ZNF207: variants seen among roughly 807,000 people sequenced by gnomAD.
ZNF207 encodes zinc finger protein 207.
Under a neutral mutation model 60.2 loss-of-function variants are expected in ZNF207, and 24 were observed. The ratio of observed to expected loss-of-function variants is 0.40; its 90% CI spans 0.29 to 0.56. ZNF207 has a LOEUF of 0.56. Among genes scored for constraint, ZNF207 ranks in the 20% least tolerant of loss-of-function variants. The probability of loss-of-function intolerance (pLI) is 0.49; values close to 1 mark genes in which losing one functional copy is unlikely to be tolerated. For synonymous variants in ZNF207, 236 were observed against 194.7 expected, an observed-to-expected ratio of 1.21 and a Z score of -1.77; for missense variants, 452 against 636.6, an observed-to-expected ratio of 0.71 and a Z score of 3.12.
intron 7 of ZNF207, among the ~76,000 whole-genome samples, chr17:32,364,072 A>G (rs1905038190): frequency 6.8e-6 from 1 of 146,244 alleles, no homozygotes. Flanking sequence ...TTGGTCTGAT[A>G]CTCGTGCTGA....
intron 2 of ZNF207, among the ~76,000 whole-genome samples, chr17:32,352,391 C>T (rs944856597): frequency 6.6e-6 from 1 of 151,988 alleles, no homozygotes; most frequent in African/African-American, 2.4e-5. Flanking sequence ...GTTCGATAGC[C>T]ATCAAGACAA....
At chr17:32,365,195 G>A (rs953044589) in intron 7 of ZNF207, 135 bp from the exon 8 acceptor site, 2 of 939,550 alleles carry the variant, frequency 2.1e-6, no homozygotes, top group Non-Finnish European at 3.1e-6. Flanking sequence ...TGTTGCATGG[G>A]GCAAATGCCT....
chr17:32,361,267 G>A, intron 5 of ZNF207: 1 of 572,384 alleles, frequency 1.7e-6, no homozygotes, highest in Admixed American at 3.4e-5. Context: ...AATTATCTGT[G>A]ACACTTTGTA....
intron 3 of ZNF207, among the ~76,000 whole-genome samples, chr17:32,359,869 C>T (rs1226010747): frequency 6.6e-6 from 1 of 152,008 alleles, no homozygotes; most frequent in South Asian, 2.1e-4. Context: ...GTCTGGGCAA[C>T]AGAGTGAGAT....
At position 32,374,604 on chromosome 17, in the gene ZNF207, A is replaced by G. The variant is rs1338678864; in HGVS notation, c.*4845A>G. ...AATGCTTAATTTTAAAATATTTTCA[A>G]GCCTCACCACATTAGAGCAAATGTT... On this transcript the variant is annotated 3_prime_UTR_variant, in exon 12 of 12. Coordinates refer to ENST00000394670, the MANE Select transcript of ZNF207 (RefSeq NM_001098507.2). The G allele has an allele frequency of 2.0e-5, 3 of 152,212 alleles. No individual in the cohort carries two copies. Among genetic ancestry groups the G allele is most frequent in the Non-Finnish European group, 1.5e-5 (1 of 68,038 alleles). 9.4% of individuals were successfully genotyped at this position (152,212 alleles called of 1,614,324 possible).
At chr17:32,363,573 T>G (rs1236730111) in intron 7 of ZNF207, among the ~76,000 whole-genome samples, 1 of 118,142 alleles carries the variant, frequency 8.5e-6, no homozygotes, top group Admixed American at 1.1e-4. Context: ...GGAATCTCGC[T>G]CTGTCACCCA....
intron 9 of ZNF207, 22 bp from the exon 10 acceptor site, chr17:32,367,750 G>A (rs1905270483): frequency 6.2e-7 from 1 of 1,609,234 alleles, no homozygotes; most frequent in African/African-American, 1.3e-5. Flanking sequence ...AAGTTTCGTT[G>A]ATGAAGTATT....
At position 32,369,857 on chromosome 17, in the gene ZNF207, C is replaced by CT; in HGVS notation, c.*101dup. 1 of 1,236,928 alleles carries CT rather than the reference C, an allele frequency of 8.1e-7. No homozygotes were observed. The allele number at this position is 1,236,928 out of a possible 1,614,324, so 76.6% of individuals were successfully genotyped here. ...TTCCGTCAATAAGGCTTCATTGTGA[C>CT]TTTAACAAACATTATCTTCCCACAT... On this transcript the variant is annotated 3_prime_UTR_variant, in exon 12 of 12. Coordinates refer to ENST00000394670, the MANE Select transcript of ZNF207 (RefSeq NM_001098507.2).
rs1471285673 is a variant in ZNF207 at position 32,375,284 on chromosome 17, A to ACT, written c.*5525_*5526insCT. On this transcript the variant is annotated 3_prime_UTR_variant, in exon 12 of 12. Transcript: ENST00000394670. ...TCCCATTGGACTATTTTATAACCTC[A>ACT]GTAATCAACATTTAAGAGTCCTTAA... 6.6e-6 allele frequency: 1 copy of ACT among 152,216 alleles called. No homozygotes were observed. Among genetic ancestry groups the ACT allele is most frequent in the Non-Finnish European group, 1.5e-5 (1 of 68,028 alleles). 9.4% of individuals were successfully genotyped at this position (152,216 alleles called of 1,614,324 possible). A position where few individuals can be genotyped will look rare whatever the true frequency, so the allele number is the denominator to read the frequency against.
chr17:32,367,287 A>AT (rs1905246348), intron 9 of ZNF207, among the ~76,000 whole-genome samples: 1 of 136,292 alleles, frequency 7.3e-6, no homozygotes, highest in Non-Finnish European at 1.6e-5. Context: ...ATATATATAA[A>AT]GAATACTACT....
Position 32,365,431 on chromosome 17 carries a change from A to G in ZNF207, c.772A>G (p.Thr258Ala), listed in dbSNP as rs1259839796. The G allele has an allele frequency of 1.1e-5, 18 of 1,614,162 alleles. No individual in the cohort carries two copies. The highest frequency in any genetic ancestry group is 1.4e-5 in the Non-Finnish European group (17 of 1,180,026). Residue 258 changes from threonine (T) to alanine (A), a missense_variant, in exon 8 of 12, where the codon ACT (threonine) becomes GCT (alanine). Physicochemically the swap from Thr to Ala is moderately conservative, Grantham distance 58. This residue lies in a region of ZNF207 where 390 missense variants were observed against 461.4 expected (regional missense o/e 0.85). Coordinates refer to ENST00000394670, the MANE Select transcript of ZNF207 (RefSeq NM_001098507.2). ...TAATAGACCACCTGCACCAACAGCA[A>G]CTGTACCTGCCCCACAGCCTCCAGT... ...ILNRPPAPTA[T>A]VPAPQPPVTK...
chr17:32,369,751 C>T lies in ZNF207; in HGVS notation c.1477C>T (p.Arg493Cys), dbSNP rs1191308671. The T allele has an allele frequency of 1.3e-6, 2 of 1,530,428 alleles. No homozygotes were observed. The highest frequency in any genetic ancestry group is 1.8e-6 in the Non-Finnish European group (2 of 1,140,494). The allele number at this position is 1,530,428 out of a possible 1,614,324, so 94.8% of individuals were successfully genotyped here. The change falls in exon 12 of 12, where the codon CGT (arginine) becomes TGT (cysteine). Residue 493 changes from arginine (R) to cysteine (C), a missense_variant. Coordinates refer to ENST00000394670, the MANE Select transcript of ZNF207 (RefSeq NM_001098507.2). ...MRPPVMSQGG[R>C]Y Reference sequence around the variant, plus strand: ...ACCTCCTGTAATGTCGCAAGGTGGCCGTTACTGATCTTACTTCATCCAGTC... The same window carrying T: ...ACCTCCTGTAATGTCGCAAGGTGGCTGTTACTGATCTTACTTCATCCAGTC...
At chr17:32,359,373 A>T (rs1197034836) in intron 3 of ZNF207, among the ~76,000 whole-genome samples, 1 of 151,438 alleles carries the variant, frequency 6.6e-6, no homozygotes, top group African/African-American at 2.4e-5. Flanking sequence ...GGCCTCCCAA[A>T]GTGCTGGGAT....
chr17:32,360,370 T>G lies in ZNF207; in HGVS notation c.308-228T>G, dbSNP rs147599157. Among the ~76,000 whole-genome samples the G allele has an allele frequency of 3.9e-5, 6 of 152,190 alleles. No individual in the cohort carries two copies. In the East Asian group the frequency reaches 9.6e-4, roughly 24 times the overall value. ...ACTAAAAATTTAAAAGAAAAAATAC[T>G]GATTTAGGATAATCATTTTACCTTT... On this transcript the variant is annotated intron_variant, in intron 3 of 11. Coordinates refer to ENST00000394670, the MANE Select transcript of ZNF207 (RefSeq NM_001098507.2).
At chr17:32,367,195 C>T (rs1478928771) in intron 9 of ZNF207, among the ~76,000 whole-genome samples, 6 of 136,348 alleles carry the variant, frequency 4.4e-5, no homozygotes, top group African/African-American at 1.6e-4. Flanking sequence ...AAATTAACTC[C>T]TTTGTCCATG....
At chr17:32,358,911 T>C (rs1164222582) in intron 3 of ZNF207, among the ~76,000 whole-genome samples, 1 of 151,978 alleles carries the variant, frequency 6.6e-6, no homozygotes, top group East Asian at 1.9e-4. Context: ...GCCATTCTCT[T>C]GACTTGGCCT....
At chr17:32,356,054 A>G (rs553880967) in intron 2 of ZNF207, among the ~76,000 whole-genome samples, 1 of 152,328 alleles carries the variant, frequency 6.6e-6, no homozygotes, top group African/African-American at 2.4e-5. Context: ...GCCTTTATTT[A>G]GTCCTATTTT....
intron 3 of ZNF207, among the ~76,000 whole-genome samples, chr17:32,359,877 G>T (rs1904755920): frequency 6.6e-6 from 1 of 152,132 alleles, no homozygotes; most frequent in Admixed American, 6.5e-5. Flanking sequence ...AACAGAGTGA[G>T]ATCCTATTTA....
intron 2 of ZNF207, among the ~76,000 whole-genome samples, chr17:32,352,155 G>A (rs1429467553): frequency 1.3e-5 from 2 of 152,066 alleles, no homozygotes; most frequent in Non-Finnish European, 2.9e-5. Context: ...TTTTAGTAGA[G>A]ACTGGGGTTT....
Sources: allele counts gnomAD v4.1 joint callset (sites outside exome capture counted in the v4.1 genomes callset), GRCh38; gene constraint gnomAD v4.1.1; regional missense constraint gnomAD v4.1.1; transcripts MANE v1.5; gene names NCBI Gene and HGNC (gene_info 2026-07-23, HGNC 2026-07-21).